Variants in MTF1 observed in about 807,000 individuals in gnomAD.
MTF1 encodes MRE-binding transcription factor.
Under a neutral mutation model 70.4 loss-of-function variants are expected in MTF1, and 22 were observed. The ratio of observed to expected loss-of-function variants is 0.31; its 90% CI spans 0.22 to 0.45. The LOEUF is 0.45. MTF1 is among the 20% of genes least tolerant of loss of function. The probability of loss-of-function intolerance (pLI) is 1.00; values close to 1 mark genes in which losing one functional copy is unlikely to be tolerated. For missense variants in MTF1, 649 were observed against 922.0 expected, an observed-to-expected ratio of 0.70 and a Z score of 3.83; for synonymous variants, 333 against 352.8, an observed-to-expected ratio of 0.94 and a Z score of 0.63.
At chr1:37,832,865 G>A (rs998187194) in intron 6 of MTF1, among the ~76,000 whole-genome samples, 2 of 152,000 alleles carry the variant, frequency 1.3e-5, no homozygotes, top group Non-Finnish European at 2.9e-5. Context: ...AATTAGCTAG[G>A]CGCGGTGGTG....
At chr1:37,827,598 G>C (rs183902809) in intron 7 of MTF1, among the ~76,000 whole-genome samples, 1 of 151,892 alleles carries the variant, frequency 6.6e-6, no homozygotes, top group Non-Finnish European at 1.5e-5. Flanking sequence ...TTCTGACTTC[G>C]TGATCCACCC....
chr1:37,835,806 C>CTT lies in MTF1; in HGVS notation c.780-64_780-63dup, dbSNP rs554128002. ...GCTAATAGATCTTTATCCTGAACGT[C>CTT]TTTTTTTTTTTTGAGATCGAGTCTC... On this transcript the variant is annotated intron_variant, in intron 4 of 10. Coordinates refer to ENST00000373036, the MANE Select transcript of MTF1 (RefSeq NM_005955.3). The CTT allele has an allele frequency of 4.7e-4, 490 of 1,049,836 alleles. 4 individuals are homozygous for CTT. The highest frequency in any genetic ancestry group is 5.6e-4 in the Non-Finnish European group (407 of 725,716). The allele number at this position is 1,049,836 out of a possible 1,614,324, so 65.0% of individuals were successfully genotyped here. A position where few individuals can be genotyped will look rare whatever the true frequency, so the allele number is the denominator to read the frequency against.
At chr1:37,856,791 T>G (rs939865568) in intron 2 of MTF1, among the ~76,000 whole-genome samples, 1 of 152,116 alleles carries the variant, frequency 6.6e-6, no homozygotes, top group Non-Finnish European at 1.5e-5. Flanking sequence ...TGTGCCACTG[T>G]GAAATAAAAG....
chr1:37,831,449 C>T (rs1375625252), intron 7 of MTF1, among the ~76,000 whole-genome samples: 1 of 152,178 alleles, frequency 6.6e-6, no homozygotes, highest in Non-Finnish European at 1.5e-5. Context: ...TCATTATGCA[C>T]ATAATCACAG....
Position 37,840,424 on chromosome 1 carries a change from T to C in MTF1, c.409-266A>G, listed in dbSNP as rs886161495. 1 of 534,796 alleles carries C rather than the reference T, an allele frequency of 1.9e-6. No homozygotes were observed. The highest frequency in any genetic ancestry group is 3.5e-6 in the Non-Finnish European group (1 of 286,162). The allele number at this position is 534,796 out of a possible 1,614,324, so 33.1% of individuals were successfully genotyped here. On this transcript the variant is annotated intron_variant, in intron 2 of 10. Coordinates refer to ENST00000373036, the MANE Select transcript of MTF1 (RefSeq NM_005955.3). The surrounding 1 kb of genome is among the most constrained non-coding windows in gnomAD (Gnocchi z 4.5). ...TGAACATAAGAATGTTTTCAGACTC[T>C]ATATACATCTACCCACTAAAAGTAC...
At chr1:37,850,591 C>A (rs1421578417) in intron 2 of MTF1, among the ~76,000 whole-genome samples, 1 of 150,392 alleles carries the variant, frequency 6.6e-6, no homozygotes, top group Non-Finnish European at 1.5e-5. Flanking sequence ...AGAGAGAGAT[C>A]TCAAAGCTAC....
intron 3 of MTF1, 80 bp downstream of exon 3, chr1:37,839,840 T>C: frequency 8.9e-7 from 1 of 1,128,464 alleles, no homozygotes; most frequent in Admixed American, 1.9e-5. Flanking sequence ...TGAAAACAAC[T>C]CCTCTGCAAG....
chr1:37,830,282 T>G (rs1330053914), intron 7 of MTF1, among the ~76,000 whole-genome samples: 1 of 152,210 alleles, frequency 6.6e-6, no homozygotes, highest in African/African-American at 2.4e-5. Flanking sequence ...GATTCATTTC[T>G]ATTATTGATC....
chr1:37,853,636 T>C (rs1195489418), intron 2 of MTF1, among the ~76,000 whole-genome samples: 1 of 152,238 alleles, frequency 6.6e-6, no homozygotes. Flanking sequence ...CCTTGTTTCA[T>C]GCTGTTCCTC....
intron 3 of MTF1, 97 bp downstream of exon 3, chr1:37,839,823 C>G: frequency 1.0e-6 from 1 of 965,054 alleles, no homozygotes. Context: ...TTTTAAAGCC[C>G]TGAAAGTGAA....
At chr1:37,837,707 T>C (rs1641191400) in intron 4 of MTF1, among the ~76,000 whole-genome samples, 1 of 152,106 alleles carries the variant, frequency 6.6e-6, no homozygotes, top group Non-Finnish European at 1.5e-5. Flanking sequence ...GGTCTCACCA[T>C]GTTGGCCAGG....
chr1:37,845,082 C>T (rs1269291230), intron 2 of MTF1, among the ~76,000 whole-genome samples: 1 of 152,218 alleles, frequency 6.6e-6, no homozygotes, highest in African/African-American at 2.4e-5. Flanking sequence ...AGAGCAAGGA[C>T]TACGTTTATC....
Position 37,813,443 on chromosome 1 carries a change from CT to C in MTF1, c.*1692del, listed in dbSNP as rs1640766172. ...CATCCTTGCTAAAGGCAGGGAGGGC[CT>C]CTGGCTCCAAGGTAAATTATCTGTT... On this transcript the variant is annotated 3_prime_UTR_variant, in exon 11 of 11. Transcript: ENST00000373036. 1 of 152,282 alleles carries C rather than the reference CT, an allele frequency of 6.6e-6. No individual in the cohort carries two copies. The highest frequency in any genetic ancestry group is 1.5e-5 in the Non-Finnish European group (1 of 68,078). 9.4% of individuals were successfully genotyped at this position (152,282 alleles called of 1,614,324 possible).
chr1:37,857,119 T>A, intron 2 of MTF1, 132 bp downstream of exon 2: 1 of 816,398 alleles, frequency 1.2e-6, no homozygotes, highest in Non-Finnish European at 1.9e-6. Flanking sequence ...CTGAGGCATA[T>A]GTTGTTGATA....
rs1640808522 is a variant in MTF1 at position 37,815,629 on chromosome 1, G to A, written c.1832-63C>T. 1 of 1,301,856 alleles carries A rather than the reference G, an allele frequency of 7.7e-7. No individual in the cohort carries two copies. Among genetic ancestry groups the A allele is most frequent in the Non-Finnish European group, 1.1e-6 (1 of 941,010 alleles). 80.6% of individuals were successfully genotyped at this position (1,301,856 alleles called of 1,614,324 possible). A position where few individuals can be genotyped will look rare whatever the true frequency, so the allele number is the denominator to read the frequency against. The stretch of plus-strand genomic sequence containing the variant: ...TGCAGGGGCAGGAGCATGAGGGACA[G>A]GGATACATGGACTAGGTGAGAGCAG... On this transcript the variant is annotated intron_variant, in intron 10 of 10. Coordinates refer to ENST00000373036, the MANE Select transcript of MTF1 (RefSeq NM_005955.3). This position sits in a 1 kb window ranked among gnomAD's most constrained non-coding sequence, Gnocchi z 4.5.
intron 9 of MTF1, among the ~76,000 whole-genome samples, chr1:37,819,982 A>AT (rs1640886219): frequency 1.4e-5 from 1 of 70,828 alleles, no homozygotes; most frequent in African/African-American, 3.8e-5. Flanking sequence ...AAAAAAAAAA[A>AT]AAAGGAGAAG....
At chr1:37,826,759 G>A (rs1165806583) in intron 7 of MTF1, among the ~76,000 whole-genome samples, 11 of 152,184 alleles carry the variant, frequency 7.2e-5, no homozygotes, top group South Asian at 2.1e-4. Flanking sequence ...CAGGCAGATC[G>A]CTTGAGGTCA....
chr1:37,835,578 A>G (rs3912368), intron 5 of MTF1, 93 bp downstream of exon 5: 623,202 of 928,554 alleles, frequency 0.67, 214,439 homozygotes, highest in Non-Finnish European at 0.72. Flanking sequence ...TATATACAGG[A>G]TCTATATCTC....
intron 5 of MTF1, 26 bp from the exon 6 acceptor site, chr1:37,835,241 A>G (rs1232382846): frequency 1.2e-6 from 2 of 1,604,452 alleles, no homozygotes; most frequent in Non-Finnish European, 1.7e-6. Flanking sequence ...AGTAGTGTTA[A>G]TTTACCATAA....
Sources: gnomAD v4.1 joint callset for allele counts (sites outside exome capture counted in the v4.1 genomes callset) on GRCh38, gnomAD v4.1.1 for gene constraint, Gnocchi (gnomAD v3.1) non-coding constraint, MANE v1.5 for transcripts, NCBI Gene and HGNC (gene_info 2026-07-23, HGNC 2026-07-21) for gene names.